Variants in IQSEC3 observed in about 807,000 individuals in gnomAD.
IQSEC3 encodes the protein IQ motif and SEC7 domain-containing protein 3.
IQSEC3 carries 50 observed loss-of-function variants against 105.4 expected under a neutral mutation model. That is an observed-to-expected ratio of 0.47 (90% confidence interval 0.38 to 0.60). The LOEUF (loss-of-function observed/expected upper bound fraction) is 0.60, where lower values mean the gene tolerates loss of function less well. Ranked by LOEUF, IQSEC3 falls within the 20% of genes least tolerant of loss-of-function variation. The probability of loss-of-function intolerance (pLI) is 0.00; values close to 1 mark genes in which losing one functional copy is unlikely to be tolerated. For missense variants in IQSEC3, 1,415 were observed against 1,630.0 expected (o/e 0.87, Z 2.27); for synonymous variants, 708 against 746.0 (o/e 0.95, Z 0.83).
At chr12:127,753 G>A (rs914120200) in intron 3 of IQSEC3, among the ~76,000 whole-genome samples, 3 of 152,130 alleles carry the variant, frequency 2.0e-5, no homozygotes, top group African/African-American at 7.2e-5. Context: ...ATTTGTTTGA[G>A]TTCATTGTAG....
At chr12:85,242 G>A (rs928054218) in intron 1 of IQSEC3, among the ~76,000 whole-genome samples, 5 of 152,230 alleles carry the variant, frequency 3.3e-5, no homozygotes, top group African/African-American at 4.8e-5. Context: ...CTGCCCTGGC[G>A]CTGTGAGGCA....
rs1037860844 is a variant in IQSEC3 at position 152,093 on chromosome 12, C to T, written c.2154-4932C>T. 6.6e-6 allele frequency among the ~76,000 whole-genome samples: 1 copy of T among 151,996 alleles called. No individual in the cohort carries two copies. Among genetic ancestry groups the T allele is most frequent in the Non-Finnish European group, 1.5e-5 (1 of 68,020 alleles). On this transcript the variant is annotated intron_variant, in intron 5 of 13. Transcript: ENST00000538872. The surrounding 1 kb of genome is among the most constrained non-coding windows in gnomAD (Gnocchi z 4.8). The stretch of plus-strand genomic sequence containing the variant: ...TGTTGCTGGCCACTTACACCAGGTC[C>T]CGAGCACAGCCTTGCACACGGGGCC...
Position 130,092 on chromosome 12 carries a change from G to A in IQSEC3, c.903+4180G>A, listed in dbSNP as rs141223778. Among the ~76,000 whole-genome samples the A allele has an allele frequency of 7.6e-3, 1,153 of 152,266 alleles. 15 individuals are homozygous for A. The highest frequency in any genetic ancestry group is 0.026 in the African/African-American group (1,073 of 41,544). ...CACTCCATGGGTTGTCCCTCTCCCC[G>A]GTTCATTCAGTTCAGGGAACAGCAC... On this transcript the variant is annotated intron_variant, in intron 3 of 13. Coordinates refer to ENST00000538872, the MANE Select transcript of IQSEC3 (RefSeq NM_001170738.2).
intron 2 of IQSEC3, among the ~76,000 whole-genome samples, chr12:120,578 G>T (rs1038175319): frequency 3.3e-5 from 5 of 152,192 alleles, no homozygotes; most frequent in Non-Finnish European, 7.3e-5. Flanking sequence ...TGCTCAGCAG[G>T]TGCCTAGCAT....
chr12:96,544 A>C (rs1864247514), intron 1 of IQSEC3, among the ~76,000 whole-genome samples: 1 of 152,208 alleles, frequency 6.6e-6, no homozygotes, highest in South Asian at 2.1e-4. Context: ...ATATAAAAGA[A>C]ATGTATTTTG....
chr12:86,683 A>AT (rs1395584106), intron 1 of IQSEC3, among the ~76,000 whole-genome samples: 1 of 152,134 alleles, frequency 6.6e-6, no homozygotes, highest in Non-Finnish European at 1.5e-5. Flanking sequence ...TAGTACAAGC[A>AT]TTTTTGTGTG....
At chr12:68,756 C>A (rs1291804935) in intron 1 of IQSEC3, among the ~76,000 whole-genome samples, 1 of 152,218 alleles carries the variant, frequency 6.6e-6, no homozygotes, top group Admixed American at 6.5e-5. Flanking sequence ...TGTATTCCTT[C>A]AAAACTCATT....
intron 3 of IQSEC3, among the ~76,000 whole-genome samples, chr12:135,775 G>A (rs1250986409): frequency 6.6e-6 from 1 of 152,202 alleles, no homozygotes; most frequent in Non-Finnish European, 1.5e-5. Context: ...AACCTCTAGT[G>A]ACTGAGGGCC....
rs1555098253 is a variant in IQSEC3, at chr12:165,847, G to A, written c.2928G>A (p.Glu976=). 1 of 1,614,150 alleles carries A rather than the reference G, an allele frequency of 6.2e-7. No homozygotes were observed. Among genetic ancestry groups the A allele is most frequent in the East Asian group, 2.2e-5 (1 of 44,892 alleles). ...AGAAGTTCGTGGAGGACCTGAAGGAGTCCATTGCTGAGGTGACGGAGCTGG... is the reference window on the plus strand; with the variant it reads ...AGAAGTTCGTGGAGGACCTGAAGGAATCCATTGCTGAGGTGACGGAGCTGG... ...EMQKFVEDLK[E]SIAEVTELEQ... The change falls in exon 11 of 14, where the codon GAG becomes GAA. Residue 976 remains glutamate, a synonymous_variant. Transcript: ENST00000538872.
intron 3 of IQSEC3, among the ~76,000 whole-genome samples, chr12:126,982 C>G (rs536958151): frequency 6.6e-6 from 1 of 152,168 alleles, no homozygotes; most frequent in African/African-American, 2.4e-5. Context: ...CCCCAAGATA[C>G]CCTATGTGCA....
intron 1 of IQSEC3, among the ~76,000 whole-genome samples, chr12:90,465 T>C (rs1296054413): frequency 6.6e-6 from 1 of 152,252 alleles, no homozygotes; most frequent in Non-Finnish European, 1.5e-5. Flanking sequence ...GTTTTATCTG[T>C]TATTTTAAGT....
chr12:132,674 C>T (rs1433099421), intron 3 of IQSEC3, among the ~76,000 whole-genome samples: 1 of 152,130 alleles, frequency 6.6e-6, no homozygotes, highest in East Asian at 1.9e-4. Flanking sequence ...CAGGACAAGG[C>T]AAGTTTCCCA....
intron 1 of IQSEC3, among the ~76,000 whole-genome samples, chr12:88,771 C>G (rs1863994429): frequency 6.6e-6 from 1 of 152,212 alleles, no homozygotes; most frequent in Admixed American, 6.5e-5. Flanking sequence ...TCTCCCTCCA[C>G]AGCCCCCAGG....
rs1555099513 is a variant in IQSEC3 at position 169,112 on chromosome 12, C to G, written c.3064+7C>G. ...AAGCAAGGATCGCCGACAGGTGAGC[C>G]TCGGCTCCGCTCAGGGCACCAGTCC... On this transcript the variant is annotated splice_region_variant and intron_variant, in intron 12 of 13. Transcript: ENST00000538872. The G allele has an allele frequency of 6.2e-7, 1 of 1,612,914 alleles. No homozygotes were observed. The highest frequency in any genetic ancestry group is 1.7e-5 in the Admixed American group (1 of 60,018).
chr12:79,596 A>G (rs1863675993), intron 1 of IQSEC3, among the ~76,000 whole-genome samples: 1 of 151,804 alleles, frequency 6.6e-6, no homozygotes, highest in South Asian at 2.1e-4. Flanking sequence ...ACACCTGACT[A>G]ATTTTCTTTG....
At chr12:107,626 G>A (rs1169568005) in intron 2 of IQSEC3, among the ~76,000 whole-genome samples, 1 of 151,826 alleles carries the variant, frequency 6.6e-6, no homozygotes, top group Non-Finnish European at 1.5e-5. Flanking sequence ...TAGCCAGGAT[G>A]GTCTCGATCT....
Position 125,896 on chromosome 12 carries a change from A to C in IQSEC3, c.887A>C (p.Asp296Ala), listed in dbSNP as rs1473941367. 6.5e-6 allele frequency: 10 copies of C among 1,533,300 alleles called. No homozygotes were observed. The highest frequency in any genetic ancestry group is 2.0e-5 in the Admixed American group (1 of 50,976). The allele number at this position is 1,533,300 out of a possible 1,614,324, so 95.0% of individuals were successfully genotyped here. Reference protein sequence around the residue: ...PAASDYELSLDLKNKQIEMLE... With the variant: ...PAASDYELSLALKNKQIEMLE... ...GCCTCCGATTACGAACTCTCCCTTG[A>C]CCTAAAGAATAAACAGGTACCCAGG... The change falls in exon 3 of 14, where the codon GAC becomes GCC. Residue 296 changes from aspartate to alanine, a missense_variant. This residue lies in a region of IQSEC3 where 720 missense variants were observed against 633.0 expected (regional missense o/e 1.14). Coordinates refer to ENST00000538872, the MANE Select transcript of IQSEC3 (RefSeq NM_001170738.2).
intron 11 of IQSEC3, chr12:167,560 G>A (rs1938726032): frequency 6.7e-6 from 1 of 150,120 alleles, no homozygotes; most frequent in African/African-American, 2.5e-5. Flanking sequence ...GGGAGACAGG[G>A]AGGAAAGGAA....
At chr12:79,258 A>G (rs1341453712) in intron 1 of IQSEC3, among the ~76,000 whole-genome samples, 1 of 152,008 alleles carries the variant, frequency 6.6e-6, no homozygotes, top group African/African-American at 2.4e-5. Flanking sequence ...GATGGTGGCT[A>G]GGGACCCACT....
Sources: allele counts gnomAD v4.1 joint callset (sites outside exome capture counted in the v4.1 genomes callset), GRCh38; gene constraint gnomAD v4.1.1; regional missense constraint gnomAD v4.1.1; non-coding constraint Gnocchi (gnomAD v3.1); transcripts MANE v1.5; gene names NCBI Gene and HGNC (gene_info 2026-07-23, HGNC 2026-07-21).